PLAT: variants seen among roughly 807,000 people sequenced by gnomAD.
PLAT encodes tissue-type plasminogen activator.
PLAT carries 48 observed loss-of-function variants against 74.9 expected under a neutral mutation model. The observed-to-expected ratio is 0.64, with a 90% CI of 0.51 to 0.82. The LOEUF is 0.82. PLAT is among the 40% of genes least tolerant of loss of function. The pLI is 0.00. For missense variants in PLAT, 673 were observed against 736.2 expected (o/e 0.91, Z 0.99); for synonymous variants, 307 against 294.4 (o/e 1.04, Z -0.44).
Position 42,176,162 on chromosome 8 carries a change from G to C in PLAT, c.1531-11C>G, listed in dbSNP as rs1220389605. ...GCCTCCCGAATCGCCCTGCAAAGGA[G>C]ATAGCAGGTTTGGCGTTTGCAAAAA... On this transcript the variant is annotated splice_polypyrimidine_tract_variant and intron_variant, in intron 13 of 13. Transcript: ENST00000220809. 5 of 1,609,392 alleles carry C rather than the reference G, an allele frequency of 3.1e-6. No individual in the cohort carries two copies. In the African/African-American group the frequency reaches 6.7e-5, roughly 21 times the overall value.
At chr8:42,187,788 T>TTCCCTG (rs1353721875) in intron 5 of PLAT, 118 bp downstream of exon 5, 5 of 804,324 alleles carry the variant, frequency 6.2e-6, no homozygotes, top group Non-Finnish European at 1.0e-5. Context: ...CAGAAGCGCC[T>TTCCCTG]TCCCTGTCCC....
At chr8:42,197,187 C>A (rs1327990714) in intron 1 of PLAT, among the ~76,000 whole-genome samples, 1 of 152,236 alleles carries the variant, frequency 6.6e-6, no homozygotes, top group Non-Finnish European at 1.5e-5. Flanking sequence ...TGATAGAGTG[C>A]AGCCCGGATC....
intron 1 of PLAT, among the ~76,000 whole-genome samples, chr8:42,203,095 A>C (rs368101668): frequency 6.6e-5 from 10 of 152,172 alleles, no homozygotes; most frequent in African/African-American, 2.4e-4. Flanking sequence ...GTAGGAGTCC[A>C]GCATGGATTC....
At chr8:42,190,160 C>G (rs1371394780) in intron 3 of PLAT, among the ~76,000 whole-genome samples, 5 of 152,138 alleles carry the variant, frequency 3.3e-5, no homozygotes, top group Admixed American at 1.3e-4. Context: ...TCTTGAACTC[C>G]TGGGCTAAAG....
chr8:42,195,292 G>A (rs1012699976), intron 1 of PLAT, among the ~76,000 whole-genome samples: 4 of 152,248 alleles, frequency 2.6e-5, no homozygotes, highest in East Asian at 1.9e-4. Context: ...GATTCTCCCC[G>A]GGCTCCTGTG....
At position 42,175,919 on chromosome 8, in the gene PLAT, C is replaced by G; in HGVS notation, c.*74G>C. 6.8e-7 allele frequency: 1 copy of G among 1,478,602 alleles called. No homozygotes were observed. The highest frequency in any genetic ancestry group is 1.7e-5 in the Admixed American group (1 of 58,182). 91.6% of individuals were successfully genotyped at this position (1,478,602 alleles called of 1,614,324 possible). On this transcript the variant is annotated 3_prime_UTR_variant, in exon 14 of 14. Transcript: ENST00000220809. ...GTCTGGAGAAGTCTGTAGAGAAGCACTGCGCCTTTGCAGTGTCTTCTGAAG... is the reference window on the plus strand; with the variant it reads ...GTCTGGAGAAGTCTGTAGAGAAGCAGTGCGCCTTTGCAGTGTCTTCTGAAG...
chr8:42,188,842 C>T, intron 4 of PLAT, 92 bp downstream of exon 4: 5 of 1,135,464 alleles, frequency 4.4e-6, no homozygotes, highest in Non-Finnish European at 6.5e-6. Flanking sequence ...CCAGATTGGT[C>T]TTGAACTCCC....
chr8:42,197,945 T>A (rs912962357), intron 1 of PLAT, among the ~76,000 whole-genome samples: 2 of 152,202 alleles, frequency 1.3e-5, no homozygotes, highest in South Asian at 4.1e-4. Flanking sequence ...CGGTTTCTGT[T>A]CTGTTGTGAG....
rs968105576 is a variant in PLAT at position 42,180,047 on chromosome 8, C to T, written c.1242G>A (p.Ser414=). The T allele has an allele frequency of 6.8e-6, 11 of 1,607,674 alleles. No homozygotes were observed. Among genetic ancestry groups the T allele is most frequent in the African/African-American group, 1.3e-5 (1 of 74,800 alleles). The change falls in exon 12 of 14, where the codon TCG becomes TCA. Residue 414 remains serine (S), a synonymous_variant. Transcript: ENST00000220809. The stretch of plus-strand genomic sequence containing the variant: ...TCTCCTGGGCACAGCGGGACGAATC[C>T]GATTTCAGCTGCAGCAGCGCTGGGA... ...DNDIALLQLK[S]DSSRCAQESS... is the part of the protein sequence containing the mutation.
intron 13 of PLAT, among the ~76,000 whole-genome samples, 184 bp downstream of exon 13, chr8:42,178,711 TTA>T (rs1805077744): frequency 2.0e-5 from 3 of 152,220 alleles, no homozygotes; most frequent in Non-Finnish European, 2.9e-5. Flanking sequence ...ATTCTTAGGT[TTA>T]GGTGACTTTG....
Position 42,176,001 on chromosome 8 carries a change from G to C in PLAT, c.1681C>G (p.Arg561Gly). The C allele has an allele frequency of 6.2e-7, 1 of 1,613,960 alleles. No individual in the cohort carries two copies. The highest frequency in any genetic ancestry group is 8.5e-7 in the Non-Finnish European group (1 of 1,179,900). Residue 561 changes from arginine to glycine, a missense_variant, in exon 14 of 14, where the codon CGA (arginine) becomes GGA (glycine). Coordinates refer to ENST00000220809, the MANE Select transcript of PLAT (RefSeq NM_000930.5). ...NYLDWIRDNM[R>G]P ...GAGTCGGGTGTTCCTGGTCACGGTCGCATGTTGTCACGAATCCAGTCTAGG... is the reference window on the plus strand; with the variant it reads ...GAGTCGGGTGTTCCTGGTCACGGTCCCATGTTGTCACGAATCCAGTCTAGG...
At position 42,182,009 on chromosome 8, in the gene PLAT, C is replaced by G; in HGVS notation, c.817G>C (p.Asp273His). 3.7e-6 allele frequency: 6 copies of G among 1,603,972 alleles called. No individual in the cohort carries two copies. The highest frequency in any genetic ancestry group is 5.1e-6 in the Non-Finnish European group (6 of 1,170,698). Residue 273 changes from aspartate (D) to histidine (H), a missense_variant, in exon 9 of 14, where the codon GAT (aspartate) becomes CAT (histidine). Physicochemically the swap from Asp to His is moderately conservative, Grantham distance 81 (BLOSUM62 -1). Transcript: ENST00000220809. ...AGCACGTGGCACCAGGGCTTGGCAT[C>G]CCCATCAGGATTCCTAAATGATAAG... ...KHNYCRNPDG[D>H]AKPWCHVLKN... is the part of the protein sequence containing the mutation.
In PLAT at chr8:42,196,106, A is replaced by G. The variant is rs1452242019; in HGVS notation, c.-26-2895T>C. 4.6e-5 allele frequency among the ~76,000 whole-genome samples: 7 copies of G among 152,182 alleles called. No homozygotes were observed. The South Asian group carries it at 6.2e-4, about 13-fold the overall frequency. On this transcript the variant is annotated intron_variant, in intron 1 of 13. Transcript: ENST00000220809. ...CTGCAATGTGAAGAGTGCAGTATGG[A>G]CATGTTGGCATTGCCTGGGAACATC... is the stretch of plus-strand genomic sequence containing the variant.
intron 1 of PLAT, among the ~76,000 whole-genome samples, chr8:42,203,009 G>C (rs567402543): frequency 7.2e-5 from 11 of 152,098 alleles, no homozygotes; most frequent in Non-Finnish European, 1.5e-4. Context: ...AGTCGCCCCC[G>C]GGCTCTTCTG....
chr8:42,188,840 G>T, intron 4 of PLAT, 94 bp downstream of exon 4: 1 of 1,072,914 alleles, frequency 9.3e-7, no homozygotes, highest in Non-Finnish European at 1.4e-6. Context: ...GCCCAGATTG[G>T]TCTTGAACTC....
chr8:42,205,524 C>T lies in PLAT; in HGVS notation c.-27+1970G>A, dbSNP rs577870613. Among the ~76,000 whole-genome samples the T allele has an allele frequency of 1.8e-4, 27 of 151,892 alleles. 1 individual carries two copies. In the South Asian group the frequency reaches 5.4e-3, roughly 30 times the overall value. On this transcript the variant is annotated intron_variant, in intron 1 of 13. Coordinates refer to ENST00000220809, the MANE Select transcript of PLAT (RefSeq NM_000930.5). The stretch of plus-strand genomic sequence containing the variant: ...CTGGGCAAAAAGAGTGAAACTCCGT[C>T]TCAAAAAAAAAAGTAGATTCACTGA...
At chr8:42,189,460 G>A (rs1349521855) in intron 3 of PLAT, among the ~76,000 whole-genome samples, 1 of 151,832 alleles carries the variant, frequency 6.6e-6, no homozygotes, top group African/African-American at 2.4e-5. Flanking sequence ...GGGGGTTGCA[G>A]TGAGCCGAGA....
At chr8:42,187,321 G>T in intron 6 of PLAT, 77 bp downstream of exon 6, 1 of 1,319,026 alleles carries the variant, frequency 7.6e-7, no homozygotes, top group Non-Finnish European at 1.0e-6. Context: ...GGAGAACCCT[G>T]ACGGATCTGA....
intron 1 of PLAT, among the ~76,000 whole-genome samples, chr8:42,194,241 A>AGAGAGAGAGTGT (rs1419569830): frequency 2.1e-4 from 11 of 52,572 alleles, no homozygotes; most frequent in African/African-American, 7.4e-4. Context: ...AGAGAGAGAG[A>AGAGAGAGAGTGT]GTGTGTGTGT....
Sources: allele counts gnomAD v4.1 joint callset (sites outside exome capture counted in the v4.1 genomes callset), GRCh38; gene constraint gnomAD v4.1.1; transcripts MANE v1.5; gene names NCBI Gene and HGNC (gene_info 2026-07-23, HGNC 2026-07-21).